DHODH: variants seen among roughly 807,000 people sequenced by gnomAD.
DHODH encodes dihydroorotate dehydrogenase (quinone).
Under a neutral mutation model 39.7 loss-of-function variants are expected in DHODH, and 30 were observed. The ratio of observed to expected loss-of-function variants is 0.76; its 90% confidence interval spans 0.57 to 1.02. The LOEUF is 1.02. DHODH is among the 50% of genes least tolerant of loss of function. DHODH has a pLI of 0.00. For synonymous variants in DHODH, 222 were observed against 213.8 expected (o/e 1.04, Z -0.34); for missense variants, 531 against 520.8 (o/e 1.02, Z -0.19).
chr16:72,014,624 C>G lies in DHODH; in HGVS notation c.386C>G (p.Pro129Arg). The change falls in exon 3 of 9, where the codon CCT (proline) becomes CGT (arginine). Residue 129 changes from proline (P) to arginine (R), a missense_variant. Coordinates refer to ENST00000219240, the MANE Select transcript of DHODH (RefSeq NM_001361.5). ...SVTPKPQEGN[P>R]RPRVFRLPED... The stretch of plus-strand genomic sequence containing the variant: ...ACTCCAAAACCTCAGGAAGGAAACC[C>G]TAGACCCAGAGTCTTCCGCCTCCCT... The G allele has an allele frequency of 1.9e-6, 3 of 1,614,140 alleles. No individual in the cohort carries two copies. The highest frequency in any genetic ancestry group is 2.5e-6 in the Non-Finnish European group (3 of 1,180,008).
intron 1 of DHODH, among the ~76,000 whole-genome samples, chr16:72,011,367 G>A (rs1026402202): frequency 8.5e-5 from 13 of 152,206 alleles, no homozygotes; most frequent in Non-Finnish European, 1.9e-4. Context: ...GGCTGGGCAC[G>A]GTGGCTCATG....
In DHODH at chr16:72,026,352, G is replaced by A. The variant is rs2041276293; in HGVS notation, c.*2153G>A. On this transcript the variant is annotated 3_prime_UTR_variant, in exon 9 of 9. Coordinates refer to ENST00000219240, the MANE Select transcript of DHODH (RefSeq NM_001361.5). ...AAGGGGTGGAGGAGAAGAGGGAAGAGTCGGCCCTTGGAAGGTTCTCCACGG... is the reference window on the plus strand; with the variant it reads ...AAGGGGTGGAGGAGAAGAGGGAAGAATCGGCCCTTGGAAGGTTCTCCACGG... 6.5e-6 allele frequency: 1 copy of A among 152,796 alleles called. No homozygotes were observed. Among genetic ancestry groups the A allele is most frequent in the East Asian group, 1.9e-4 (1 of 5,182 alleles). 9.5% of individuals were successfully genotyped at this position (152,796 alleles called of 1,614,324 possible). A position where few individuals can be genotyped will look rare whatever the true frequency, so the allele number is the denominator to read the frequency against.
In DHODH at chr16:72,014,667, T is replaced by G; in HGVS notation, c.429T>G (p.Ile143Met). The change falls in exon 3 of 9, where the codon ATT (isoleucine) becomes ATG (methionine). Residue 143 changes from isoleucine to methionine, a missense_variant. Transcript: ENST00000219240. ...GCCTCCCTGAGGACCAAGCTGTCAT[T>G]AACAGGTAGGTGAGCGGCCCAGAGT... Reference protein sequence around the residue: ...VFRLPEDQAVINRYGFNSHGL... With the variant: ...VFRLPEDQAVMNRYGFNSHGL... The G allele has an allele frequency of 6.2e-7, 1 of 1,614,086 alleles. No individual in the cohort carries two copies. Among genetic ancestry groups the G allele is most frequent in the East Asian group, 2.2e-5 (1 of 44,888 alleles).
intron 4 of DHODH, among the ~76,000 whole-genome samples, chr16:72,020,798 T>G (rs1251905135): frequency 2.0e-5 from 3 of 152,216 alleles, no homozygotes; most frequent in Non-Finnish European, 4.4e-5. Context: ...GTTCTCAGTT[T>G]TATTCAATTT....
rs2143996461 is a variant in DHODH at position 72,021,225 on chromosome 16, T to A, written c.619T>A (p.Tyr207Asn). ...GCGCGTACTGGGCCCCCTGGCCGACTACCTGGTGGTGAATGTGTCCAGCCC... is the reference window on the plus strand; with the variant it reads ...GCGCGTACTGGGCCCCCTGGCCGACAACCTGGTGGTGAATGTGTCCAGCCC... ...GVRVLGPLADYLVVNVSSPNT... is the reference protein window; with the variant it reads ...GVRVLGPLADNLVVNVSSPNT... The change falls in exon 5 of 9, where the codon TAC becomes AAC. Residue 207 changes from tyrosine (Y) to asparagine (N), a missense_variant. By Grantham distance (143) the Tyr-to-Asn change is moderately radical. Coordinates refer to ENST00000219240, the MANE Select transcript of DHODH (RefSeq NM_001361.5). 1 of 1,612,766 alleles carries A rather than the reference T, an allele frequency of 6.2e-7. No homozygotes were observed. The highest frequency in any genetic ancestry group is 2.2e-5 in the East Asian group (1 of 44,834).
intron 4 of DHODH, among the ~76,000 whole-genome samples, chr16:72,019,384 G>A (rs1567572342): frequency 6.6e-6 from 1 of 152,190 alleles, no homozygotes; most frequent in Non-Finnish European, 1.5e-5. Flanking sequence ...GATGTTGTTT[G>A]ATCCTCTCTG....
chr16:72,023,085 G>C, intron 6 of DHODH, 80 bp from the exon 7 acceptor site: 1 of 1,503,326 alleles, frequency 6.7e-7, no homozygotes, highest in South Asian at 1.1e-5. Flanking sequence ...TGGCCCGGCT[G>C]CTGCCTTCGA....
At position 72,020,772 on chromosome 16, in the gene DHODH, C is replaced by T. The variant is rs537366431; in HGVS notation, c.518-352C>T. ...GGTGAGAGTTGCGGGCCTGATGTGC[C>T]TACTGAGTTCTCTCTGTTCTCAGTT... is the stretch of plus-strand genomic sequence containing the variant. On this transcript the variant is annotated intron_variant, in intron 4 of 8. Coordinates refer to ENST00000219240, the MANE Select transcript of DHODH (RefSeq NM_001361.5). Among the ~76,000 whole-genome samples the T allele has an allele frequency of 3.3e-5, 5 of 152,318 alleles. No homozygotes were observed. In the East Asian group the frequency reaches 9.6e-4, roughly 29 times the overall value.
rs1567574864 is a variant in DHODH, at chr16:72,024,226, C to A, written c.*27C>A. On this transcript the variant is annotated 3_prime_UTR_variant, in exon 9 of 9. Coordinates refer to ENST00000219240, the MANE Select transcript of DHODH (RefSeq NM_001361.5). Reference sequence around the variant, plus strand: ...GACAGCGTCTGACGGGAAGCCTGATCTGGAACCTTCCCAAGGACTCAGGCA... The same window carrying A: ...GACAGCGTCTGACGGGAAGCCTGATATGGAACCTTCCCAAGGACTCAGGCA... The A allele has an allele frequency of 6.2e-7, 1 of 1,613,354 alleles. No individual in the cohort carries two copies. The highest frequency in any genetic ancestry group is 8.5e-7 in the Non-Finnish European group (1 of 1,179,380).
chr16:72,020,373 T>TA (rs1273739362), intron 4 of DHODH: 47 of 88,270 alleles, frequency 5.3e-4, no homozygotes, highest in Admixed American at 2.5e-3. Flanking sequence ...ATATATATAT[T>TA]TTTTTTTTTT....
Position 72,026,305 on chromosome 16 carries a change from A to G in DHODH, c.*2106A>G, listed in dbSNP as rs2041275986. The G allele has an allele frequency of 6.6e-6, 1 of 152,282 alleles. No individual in the cohort carries two copies. The highest frequency in any genetic ancestry group is 2.4e-5 in the African/African-American group (1 of 41,390). The allele number at this position is 152,282 out of a possible 1,614,324, so 9.4% of individuals were successfully genotyped here. Reference sequence around the variant, plus strand: ...GTCCCACCTAATAGCTTCAGGACTGAACAATTCAGGAAAGGGAAGGGAAGG... The same window carrying G: ...GTCCCACCTAATAGCTTCAGGACTGGACAATTCAGGAAAGGGAAGGGAAGG... On this transcript the variant is annotated 3_prime_UTR_variant, in exon 9 of 9. Transcript: ENST00000219240.
intron 8 of DHODH, among the ~76,000 whole-genome samples, chr16:72,023,942 G>A (rs1459251242): frequency 6.6e-6 from 1 of 152,196 alleles, no homozygotes; most frequent in Non-Finnish European, 1.5e-5. Context: ...AATGTTGGGA[G>A]CTGTCAATAC....
intron 2 of DHODH, among the ~76,000 whole-genome samples, chr16:72,012,932 C>T (rs1035181597): frequency 6.6e-6 from 1 of 152,210 alleles, no homozygotes; most frequent in Non-Finnish European, 1.5e-5. Context: ...TTCATGTGAC[C>T]TTCCGGGCTT....
intron 1 of DHODH, among the ~76,000 whole-genome samples, chr16:72,010,585 A>C (rs1184014152): frequency 6.6e-6 from 1 of 152,230 alleles, no homozygotes; most frequent in Non-Finnish European, 1.5e-5. Context: ...GTATTTGATG[A>C]ATGACTGAAC....
At position 72,012,180 on chromosome 16, in the gene DHODH, C is replaced by T. The variant is rs372155275; in HGVS notation, c.152C>T (p.Pro51Leu). The T allele has an allele frequency of 3.3e-5, 53 of 1,614,028 alleles. No individual in the cohort carries two copies. The highest frequency in any genetic ancestry group is 2.4e-5 in the Non-Finnish European group (28 of 1,180,022). The change falls in exon 2 of 9, where the codon CCG becomes CTG. Residue 51 changes from proline (P) to leucine (L), a missense_variant. Physicochemically the swap from Pro to Leu is moderately conservative, Grantham distance 98 (BLOSUM62 -3). Coordinates refer to ENST00000219240, the MANE Select transcript of DHODH (RefSeq NM_001361.5). ...LMPTLQGLLDPESAHRLAVRF... is the reference protein window; with the variant it reads ...LMPTLQGLLDLESAHRLAVRF... ...CCGACTCTGCAGGGGCTGCTGGACCCGGAGTCAGCCCACAGACTGGCTGTT... is the reference window on the plus strand; with the variant it reads ...CCGACTCTGCAGGGGCTGCTGGACCTGGAGTCAGCCCACAGACTGGCTGTT...
intron 3 of DHODH, 51 bp downstream of exon 3, chr16:72,014,723 G>GC (rs763084831): frequency 1.3e-5 from 20 of 1,575,094 alleles, no homozygotes; most frequent in Middle Eastern, 3.7e-4. Flanking sequence ...CCAGCTGGGG[G>GC]CGTTCAGAGA....
At chr16:72,020,340 T>A (rs2041193158) in intron 4 of DHODH, 1 of 119,178 alleles carries the variant, frequency 8.4e-6, no homozygotes, top group Non-Finnish European at 1.6e-5. Context: ...TATATATATA[T>A]ATATATATAT....
intron 1 of DHODH, among the ~76,000 whole-genome samples, chr16:72,011,378 C>T (rs548899734): frequency 9.8e-5 from 15 of 152,314 alleles, no homozygotes; most frequent in Non-Finnish European, 1.9e-4. Context: ...GTGGCTCATG[C>T]CTGTAATCCC....
chr16:72,014,481 A>G lies in DHODH; in HGVS notation c.243A>G (p.Arg81=), dbSNP rs1377516147. The stretch of plus-strand genomic sequence containing the variant: ...TGTCTTCCTCTTCCCAGGAAGTGAG[A>G]GTTCTGGGCCATAAATTCCGAAATC... ...RFQDSDMLEV[R]VLGHKFRNPV... is the part of the protein sequence containing the mutation. Residue 81 remains arginine, a synonymous_variant, in exon 3 of 9, where the codon AGA becomes AGG. Coordinates refer to ENST00000219240, the MANE Select transcript of DHODH (RefSeq NM_001361.5). 10 of 1,614,038 alleles carry G rather than the reference A, an allele frequency of 6.2e-6. No homozygotes were observed. Among genetic ancestry groups the G allele is most frequent in the Non-Finnish European group, 7.6e-6 (9 of 1,180,030 alleles).
Sources: gnomAD v4.1 joint callset for allele counts (sites outside exome capture counted in the v4.1 genomes callset) on GRCh38, gnomAD v4.1.1 for gene constraint, MANE v1.5 for transcripts, NCBI Gene and HGNC (gene_info 2026-07-23, HGNC 2026-07-21) for gene names.